The following GLYATL3 variants were observed in gnomAD, a reference collection of about 807,000 sequenced individuals.
GLYATL3 encodes the protein glycine-N-acyltransferase like 3, also known as glycine N-acyltransferase-like protein 3.
GLYATL3 carries 31 observed loss-of-function variants against 28.5 expected under a neutral mutation model. The ratio of observed to expected loss-of-function variants is 1.09; its 90% CI spans 0.82 to 1.47. The LOEUF is 1.47. Ranked by LOEUF, GLYATL3 falls within the 40% of genes most tolerant of loss-of-function variation. GLYATL3 has a pLI of 0.00. For synonymous variants in GLYATL3, 141 were observed against 140.2 expected, an observed-to-expected ratio of 1.01 and a Z score of -0.04; for missense variants, 369 against 351.5, an observed-to-expected ratio of 1.05 and a Z score of -0.40.
In GLYATL3 at chr6:49,512,014, CA is replaced by C; in HGVS notation, c.27del (p.Lys9AsnfsTer3). 2.0e-6 allele frequency: 3 copies of C among 1,503,080 alleles called. No individual in the cohort carries two copies. Among genetic ancestry groups the C allele is most frequent in the Non-Finnish European group, 2.7e-6 (3 of 1,105,902 alleles). 93.1% of individuals were successfully genotyped at this position (1,503,080 alleles called of 1,614,324 possible). On this transcript the variant is annotated frameshift_variant, in exon 2 of 6. Coordinates refer to ENST00000371197, the MANE Select transcript of GLYATL3 (RefSeq NM_001010904.2). LOFTEE classifies it high-confidence loss of function. Reference sequence around the variant, plus strand: ...AGATGTTGGTGCTAAACTGTTCTACCAAATTACTGATACTGGAGAAAATGTT... The same window carrying C: ...AGATGTTGGTGCTAAACTGTTCTACCAATTACTGATACTGGAGAAAATGTT... Reference protein sequence around the residue: MLVLNCSTKLLILEKMLKS... With the variant: MLVLNCSTXLLILEKMLKS...
intron 4 of GLYATL3, 78 bp from the exon 5 acceptor site, chr6:49,521,567 A>G (rs190484128): frequency 7.7e-7 from 1 of 1,294,242 alleles, no homozygotes; most frequent in East Asian, 2.5e-5. Context: ...TTCTCAGTAT[A>G]AAATTACTGC....
intron 1 of GLYATL3, among the ~76,000 whole-genome samples, chr6:49,506,369 T>C (rs993300710): frequency 6.6e-6 from 1 of 152,240 alleles, no homozygotes. Flanking sequence ...TGTAACACAG[T>C]ACCGACAAAC....
intron 1 of GLYATL3, among the ~76,000 whole-genome samples, chr6:49,507,691 A>G (rs903605946): frequency 1.3e-5 from 2 of 152,132 alleles, no homozygotes; most frequent in African/African-American, 4.8e-5. Context: ...ATATTGAGGG[A>G]TCTAGCTAGC....
rs1337498011 is a variant in GLYATL3, at chr6:49,521,414, G to A, written c.314-231G>A. 3.3e-5 allele frequency among the ~76,000 whole-genome samples: 5 copies of A among 152,078 alleles called. No individual in the cohort carries two copies. In the East Asian group the frequency reaches 9.6e-4, roughly 29 times the overall value. ...CCCATCATAAGTTTCTATGAAGATCGTGATGAGTGGTCCCAATGGGCAACA... is the reference window on the plus strand; with the variant it reads ...CCCATCATAAGTTTCTATGAAGATCATGATGAGTGGTCCCAATGGGCAACA... On this transcript the variant is annotated intron_variant, in intron 4 of 5. Coordinates refer to ENST00000371197, the MANE Select transcript of GLYATL3 (RefSeq NM_001010904.2).
At chr6:49,525,673 A>C (rs541260582) in intron 5 of GLYATL3, among the ~76,000 whole-genome samples, 1 of 151,588 alleles carries the variant, frequency 6.6e-6, no homozygotes, top group East Asian at 1.9e-4. Flanking sequence ...AGTTATACCC[A>C]CCAGTGGGAG....
At chr6:49,517,615 C>T in intron 4 of GLYATL3, 59 bp downstream of exon 4, 1 of 1,271,374 alleles carries the variant, frequency 7.9e-7, no homozygotes, top group South Asian at 1.6e-5. Flanking sequence ...TAGCATATAT[C>T]CAGATAGTTA....
intron 1 of GLYATL3, among the ~76,000 whole-genome samples, chr6:49,507,036 A>T (rs1420187451): frequency 6.6e-6 from 1 of 152,186 alleles, no homozygotes; most frequent in Non-Finnish European, 1.5e-5. Flanking sequence ...GCAACGGCTT[A>T]GTAGAAGAAG....
intron 4 of GLYATL3, among the ~76,000 whole-genome samples, chr6:49,519,504 T>C (rs10223447): frequency 0.043 from 6,500 of 152,292 alleles, 215 homozygotes; most frequent in African/African-American, 0.09. Context: ...TAAGAAGTCA[T>C]TGGTATGTTT....
At chr6:49,519,037 G>A (rs2127237584) in intron 4 of GLYATL3, among the ~76,000 whole-genome samples, 1 of 152,248 alleles carries the variant, frequency 6.6e-6, no homozygotes, top group African/African-American at 2.4e-5. Flanking sequence ...CCCCAGTCAC[G>A]CTGGTTAGAA....
At chr6:49,509,972 TTCTTTCTTTC>T (rs1215187600) in intron 1 of GLYATL3, among the ~76,000 whole-genome samples, 1 of 148,818 alleles carries the variant, frequency 6.7e-6, no homozygotes, top group Non-Finnish European at 1.5e-5. Flanking sequence ...CTTTCTTTCT[TTCTTTCTTTC>T]TTTCTTTCTT....
chr6:49,500,684 G>C (rs1303367014), intron 1 of GLYATL3, among the ~76,000 whole-genome samples: 1 of 152,206 alleles, frequency 6.6e-6, no homozygotes. Context: ...GAGTCTATTG[G>C]TTATAATTTG....
intron 2 of GLYATL3, among the ~76,000 whole-genome samples, chr6:49,513,514 G>T (rs1210950786): frequency 6.6e-6 from 1 of 152,084 alleles, no homozygotes; most frequent in Non-Finnish European, 1.5e-5. Flanking sequence ...TCATATTTAG[G>T]TTACATTCTT....
chr6:49,507,625 A>T (rs886504553), intron 1 of GLYATL3, among the ~76,000 whole-genome samples: 2 of 152,138 alleles, frequency 1.3e-5, no homozygotes, highest in Non-Finnish European at 2.9e-5. Context: ...GTCGTCATGA[A>T]CCTGCATTCG....
rs968459231 is a variant in GLYATL3 at position 49,517,517 on chromosome 6, T to C, written c.274T>C (p.Cys92Arg). Reference sequence around the variant, plus strand: ...GGCTTATCGACAGCTATTGGAAGAATGTGATGTTTTTAACTGGGACCAAGT... The same window carrying C: ...GGCTTATCGACAGCTATTGGAAGAACGTGATGTTTTTAACTGGGACCAAGT... ...VRAYRQLLEE[C>R]DVFNWDQVFQ... The change falls in exon 4 of 6, where the codon TGT becomes CGT. Residue 92 changes from cysteine (C) to arginine (R), a missense_variant. Transcript: ENST00000371197. 1.3e-6 allele frequency: 2 copies of C among 1,550,994 alleles called. No homozygotes were observed. Among genetic ancestry groups the C allele is most frequent in the Middle Eastern group, 1.7e-4 (1 of 6,014 alleles).
At chr6:49,526,282 G>A (rs1428367864) in intron 5 of GLYATL3, among the ~76,000 whole-genome samples, 3 of 152,046 alleles carry the variant, frequency 2.0e-5, no homozygotes, top group South Asian at 2.1e-4. Flanking sequence ...GGATGGTGAC[G>A]GGTGCCTGTA....
At chr6:49,502,520 C>T (rs1768933397) in intron 1 of GLYATL3, among the ~76,000 whole-genome samples, 1 of 152,186 alleles carries the variant, frequency 6.6e-6, no homozygotes, top group African/African-American at 2.4e-5. Context: ...CAGAAGTATT[C>T]CAATCACATT....
intron 1 of GLYATL3, among the ~76,000 whole-genome samples, chr6:49,502,564 T>C (rs1435828817): frequency 6.6e-6 from 1 of 152,222 alleles, no homozygotes; most frequent in African/African-American, 2.4e-5. Context: ...CTTATAATTC[T>C]TATAATTCTA....
chr6:49,523,251 C>G (rs1272015724), intron 5 of GLYATL3, among the ~76,000 whole-genome samples: 1 of 152,188 alleles, frequency 6.6e-6, no homozygotes, highest in Non-Finnish European at 1.5e-5. Flanking sequence ...TAAGCAATGA[C>G]CTGTAATGAT....
At position 49,521,701 on chromosome 6, in the gene GLYATL3, A is replaced by C; in HGVS notation, c.370A>C (p.Asn124His). ...SKAVANSKQL[N>H]IKLTSFKAVH... is the part of the protein sequence containing the mutation. ...AGCGGTTGCCAATTCAAAGCAGTTG[A>C]ATATAAAGCTAACTTCCTTCAAGGC... Residue 124 changes from asparagine (N) to histidine (H), a missense_variant, in exon 5 of 6, where the codon AAT becomes CAT. By Grantham distance (68) the Asn-to-His change is moderately conservative. Coordinates refer to ENST00000371197, the MANE Select transcript of GLYATL3 (RefSeq NM_001010904.2). 1 of 1,550,774 alleles carries C rather than the reference A, an allele frequency of 6.4e-7. No homozygotes were observed. The highest frequency in any genetic ancestry group is 2.4e-5 in the East Asian group (1 of 40,904).
Sources: gnomAD v4.1 joint callset for allele counts (sites outside exome capture counted in the v4.1 genomes callset) on GRCh38, gnomAD v4.1.1 for gene constraint, MANE v1.5 for transcripts, NCBI Gene and HGNC (gene_info 2026-07-23, HGNC 2026-07-21) for gene names.